IL3RA: variants seen among roughly 807,000 people sequenced by gnomAD.
IL3RA encodes the protein interleukin-3 receptor subunit alpha.
IL3RA carries 73 observed loss-of-function variants against 52.3 expected under a neutral mutation model. The observed-to-expected ratio is 1.40, with a 90% CI of 1.16 to 1.70. The LOEUF (loss-of-function observed/expected upper bound fraction) is 1.70. Ranked by LOEUF, IL3RA falls within the 40% of genes most tolerant of loss-of-function variation. The pLI is 0.00. For missense variants in IL3RA, 664 were observed against 504.4 expected (o/e 1.32, Z -3.03); for synonymous variants, 260 against 194.0 (o/e 1.34, Z -2.83).
chrX:1,381,670 G>A (rs150450777), intron 11 of IL3RA, among the ~76,000 whole-genome samples: 3,015 of 145,592 alleles, frequency 0.021, 84 homozygotes, highest in African/African-American at 0.068. Context: ...TCAGCCTCCC[G>A]AGTAGCTGGG....
chrX:1,377,908 C>T (rs1253712977), intron 9 of IL3RA, among the ~76,000 whole-genome samples: 9 of 150,254 alleles, frequency 6.0e-5, no homozygotes, highest in East Asian at 3.9e-4. Context: ...AAAAATAGGC[C>T]GGGTGCGTGG....
At chrX:1,377,453 G>A (rs2088847256) in intron 9 of IL3RA, among the ~76,000 whole-genome samples, 1 of 151,980 alleles carries the variant, frequency 6.6e-6, no homozygotes, top group Non-Finnish European at 1.5e-5. Context: ...ATGTTGGCCA[G>A]GCTGGTCTCA....
rs200477148 is a variant in IL3RA, at chrX:1,382,481, C to A, written c.*16C>A. 3.1e-6 allele frequency: 5 copies of A among 1,611,790 alleles called. No individual in the cohort carries two copies. In the African/African-American group the frequency reaches 5.4e-5, roughly 17 times the overall value. On this transcript the variant is annotated 3_prime_UTR_variant, in exon 12 of 12. Transcript: ENST00000331035. Reference sequence around the variant, plus strand: ...GAAAACTTGAGACTGGGGTTCAGGGCTTGTGGGGGTCTGCCTCAATCTCCC... The same window carrying A: ...GAAAACTTGAGACTGGGGTTCAGGGATTGTGGGGGTCTGCCTCAATCTCCC...
At chrX:1,342,558 T>G (rs1251244417) in intron 2 of IL3RA, among the ~76,000 whole-genome samples, 1 of 126,340 alleles carries the variant, frequency 7.9e-6, no homozygotes, top group African/African-American at 3.4e-5. Context: ...TTCTTTAACT[T>G]CTTTTTTTTT....
chrX:1,338,963 C>G (rs1353381641), intron 1 of IL3RA, among the ~76,000 whole-genome samples: 1 of 151,992 alleles, frequency 6.6e-6, no homozygotes, highest in Non-Finnish European at 1.5e-5. Flanking sequence ...CTACGCCTGG[C>G]TAATTTTTGT....
At chrX:1,377,713 TGGAGGG>T (rs1167842422) in intron 9 of IL3RA, among the ~76,000 whole-genome samples, 1 of 148,184 alleles carries the variant, frequency 6.7e-6, no homozygotes, top group Non-Finnish European at 1.5e-5. Flanking sequence ...TTGCCCAGGC[TGGAGGG>T]CAGTGGCGCG....
chrX:1,367,629 GGGGTGCGCCGGGTGAGCC>G (rs2088221324), intron 9 of IL3RA, among the ~76,000 whole-genome samples: 1 of 96,744 alleles, frequency 1.0e-5, no homozygotes, highest in Non-Finnish European at 2.0e-5. Flanking sequence ...CGGGGTGAGC[GGGGTGCGCCGGGTGAGCC>G]GGGTGCGCGG....
chrX:1,352,169 G>A lies in IL3RA; in HGVS notation c.368G>A (p.Ser123Asn). 1.9e-6 allele frequency: 3 copies of A among 1,613,840 alleles called. No homozygotes were observed. Among genetic ancestry groups the A allele is most frequent in the Non-Finnish European group, 2.5e-6 (3 of 1,179,844 alleles). ...WIHDVDFLSC[S>N]WAVGPGAPAD... is the part of the protein sequence containing the mutation. The stretch of plus-strand genomic sequence containing the variant: ...CATGACGTGGATTTCTTGAGCTGCA[G>A]CTGGGCGGTAGGCCCGGGGGCCCCC... The change falls in exon 5 of 12, where the codon AGC (serine) becomes AAC (asparagine). Residue 123 changes from serine to asparagine, a missense_variant. Transcript: ENST00000331035.
intron 8 of IL3RA, among the ~76,000 whole-genome samples, chrX:1,361,352 A>G (rs1354818551): frequency 1.3e-5 from 2 of 152,150 alleles, no homozygotes; most frequent in African/African-American, 4.8e-5. Context: ...TATAAACAAA[A>G]GAGGGTTCCT....
At chrX:1,354,157 T>TCCCATCATGGGTCACGGGAGCC (rs2086430035) in intron 6 of IL3RA, among the ~76,000 whole-genome samples, 23 of 151,478 alleles carry the variant, frequency 1.5e-4, no homozygotes, top group Admixed American at 2.6e-4. Context: ...GGGTCATGGG[T>TCCCATCATGGGTCACGGGAGCC]CCCATCATGG....
rs1258614018 is a variant in IL3RA at position 1,352,324 on chromosome X, G to A, written c.434G>A (p.Arg145Lys). 1.9e-6 allele frequency: 3 copies of A among 1,613,714 alleles called. No homozygotes were observed. The African/African-American group carries it at 4.0e-5, about 22-fold the overall frequency. The change falls in exon 6 of 12, where the codon AGG (arginine) becomes AAG (lysine). Residue 145 changes from arginine (R) to lysine (K), a missense_variant and splice_region_variant. Arg to Lys is a conservative substitution (Grantham distance 26). Coordinates refer to ENST00000331035, the MANE Select transcript of IL3RA (RefSeq NM_002183.4). ...CCCAACCTTACCGCTTACCGCAGCA[G>A]GCGTCAACAGTACGAGTGTCTTCAC... Reference protein sequence around the residue: ...QYDLYLNVANRRQQYECLHYK... With the variant: ...QYDLYLNVANKRQQYECLHYK...
chrX:1,365,107 C>T (rs370608971), intron 8 of IL3RA, 31 bp from the exon 9 acceptor site: 37 of 1,522,818 alleles, frequency 2.4e-5, no homozygotes, highest in East Asian at 1.8e-4. Context: ...CCATACCTGG[C>T]CCCTCTTCTT....
intron 8 of IL3RA, among the ~76,000 whole-genome samples, chrX:1,363,588 G>A (rs1298176791): frequency 6.8e-6 from 1 of 147,270 alleles, no homozygotes; most frequent in Non-Finnish European, 1.5e-5. Context: ...GCGCCTGGCC[G>A]AGCTATTTCA....
Position 1,341,772 on chromosome X carries a change from C to A in IL3RA, c.7C>A (p.Leu3Ile), listed in dbSNP as rs1285463520. ...TTCCGGAGCTGCGTTCCCGATGGTC[C>A]TCCTTTGGCTCACGCTGCTCCTGAT... MV[L>I]LWLTLLLIAL... The change falls in exon 2 of 12, where the codon CTC (leucine) becomes ATC (isoleucine). Residue 3 changes from leucine (L) to isoleucine (I), a missense_variant. Physicochemically the swap from Leu to Ile is conservative, Grantham distance 5. Coordinates refer to ENST00000331035, the MANE Select transcript of IL3RA (RefSeq NM_002183.4). 6.2e-7 allele frequency: 1 copy of A among 1,613,944 alleles called. No homozygotes were observed. Among genetic ancestry groups the A allele is most frequent in the Admixed American group, 1.7e-5 (1 of 59,996 alleles).
chrX:1,344,700 G>A (rs1373678055), intron 2 of IL3RA, among the ~76,000 whole-genome samples: 1 of 151,018 alleles, frequency 6.6e-6, no homozygotes, highest in East Asian at 2.0e-4. Flanking sequence ...TTGAACCCGG[G>A]AGGTAGAGGT....
chrX:1,345,006 C>A (rs867656040), intron 2 of IL3RA, among the ~76,000 whole-genome samples: 16 of 138,716 alleles, frequency 1.2e-4, no homozygotes, highest in South Asian at 2.3e-4. Context: ...ACTAAAAATA[C>A]AAAAAAAAAA....
intron 8 of IL3RA, among the ~76,000 whole-genome samples, chrX:1,362,240 C>G (rs1350003990): frequency 6.6e-6 from 1 of 151,582 alleles, no homozygotes; most frequent in African/African-American, 2.4e-5. Context: ...CTCTGTCTGT[C>G]TTTGTCTATG....
intron 8 of IL3RA, 151 bp from the exon 9 acceptor site, chrX:1,364,987 T>G (rs2087805351): frequency 1.8e-6 from 1 of 542,782 alleles, no homozygotes; most frequent in Non-Finnish European, 3.4e-6. Context: ...TTTTGTATTT[T>G]TAGTAGAGAC....
rs1189887864 is a variant in IL3RA, at chrX:1,356,864, ACTTT to A, written c.732+533_732+536del. 3.8e-4 allele frequency among the ~76,000 whole-genome samples: 58 copies of A among 151,952 alleles called. 1 individual carries two copies. Among genetic ancestry groups the A allele is most frequent in the African/African-American group, 1.2e-3 (50 of 41,428 alleles). On this transcript the variant is annotated intron_variant, in intron 7 of 11. Transcript: ENST00000331035. ...ATGTGGTTTTTTAATTTTTTCTTGA[ACTTT>A]CTTTTTTCTTTTGTAGTGATCTACA...
Sources: allele counts gnomAD v4.1 joint callset (sites outside exome capture counted in the v4.1 genomes callset), GRCh38; gene constraint gnomAD v4.1.1; transcripts MANE v1.5; gene names NCBI Gene and HGNC (gene_info 2026-07-23, HGNC 2026-07-21).